TP73: variants seen among roughly 807,000 people sequenced by gnomAD.
TP73 encodes p53-like transcription factor.
A neutral mutation model predicts 62.5 loss-of-function variants in TP73; 25 were observed. The ratio of observed to expected loss-of-function variants is 0.40; its 90% CI spans 0.29 to 0.56. The LOEUF (loss-of-function observed/expected upper bound fraction) is 0.56. Ranked by LOEUF, TP73 falls within the 20% of genes least tolerant of loss-of-function variation. TP73 has a pLI of 0.46. For synonymous variants in TP73, 423 were observed against 377.5 expected, an observed-to-expected ratio of 1.12 and a Z score of -1.40; for missense variants, 754 against 913.3, an observed-to-expected ratio of 0.83 and a Z score of 2.25.
In TP73 at chr1:3,733,451, C is replaced by T. The variant is rs763814021; in HGVS notation, c.*372C>T. 1.6e-5 allele frequency: 5 copies of T among 304,924 alleles called. No homozygotes were observed. Among genetic ancestry groups the T allele is most frequent in the Middle Eastern group, 3.8e-4 (1 of 2,664 alleles). The allele number at this position is 304,924 out of a possible 1,614,324, so 18.9% of individuals were successfully genotyped here. A position where few individuals can be genotyped will look rare whatever the true frequency, so the allele number is the denominator to read the frequency against. ...TAGAGACTGTCATCTCCCAACCAGG[C>T]GAGGTCCTTCCAAAGGAAAGGATCC... On this transcript the variant is annotated 3_prime_UTR_variant, in exon 14 of 14. Transcript: ENST00000378295.
chr1:3,660,710 G>A (rs939405843), intron 1 of TP73, among the ~76,000 whole-genome samples: 1 of 152,186 alleles, frequency 6.6e-6, no homozygotes, highest in Non-Finnish European at 1.5e-5. Flanking sequence ...AACCTGTACT[G>A]GTCAAAGTCT....
chr1:3,725,371 A>G (rs1641416726), intron 6 of TP73, among the ~76,000 whole-genome samples: 3 of 25,966 alleles, frequency 1.2e-4, no homozygotes, highest in African/African-American at 4.9e-4. Flanking sequence ...GGATGGGGTG[A>G]GTGGGTGGAT....
intron 1 of TP73, among the ~76,000 whole-genome samples, chr1:3,654,813 C>T (rs1184265934): frequency 6.6e-6 from 1 of 152,228 alleles, no homozygotes; most frequent in East Asian, 1.9e-4. Context: ...GAAGTATGCA[C>T]TGGGGCAAGG....
At chr1:3,724,559 A>C (rs6701784) in intron 6 of TP73, among the ~76,000 whole-genome samples, 121,762 of 152,198 alleles carry the variant, frequency 0.8, 49,086 homozygotes, top group Middle Eastern at 0.88. Flanking sequence ...TCACCTGCCT[A>C]GGCCTGCCAG....
chr1:3,718,109 G>T (rs1399937048), intron 4 of TP73, among the ~76,000 whole-genome samples: 1 of 152,168 alleles, frequency 6.6e-6, no homozygotes, highest in South Asian at 2.1e-4. Flanking sequence ...GTTCTAGGCC[G>T]CTCCACACTC....
chr1:3,680,326 A>T (rs1645491200), intron 1 of TP73, among the ~76,000 whole-genome samples: 1 of 152,066 alleles, frequency 6.6e-6, no homozygotes, highest in African/African-American at 2.4e-5. Flanking sequence ...GGCTATGTGC[A>T]CCGTTCAGCT....
rs554550462 is a variant in TP73, at chr1:3,730,087, C to A, written c.1284C>A (p.Asn428Lys). ...HGGMNKLPSVNQLVGQPPPHS... is the reference protein window; with the variant it reads ...HGGMNKLPSVKQLVGQPPPHS... The stretch of plus-strand genomic sequence containing the variant: ...GCATGAACAAGCTGCCCTCCGTCAA[C>A]CAGCTGGTGGGCCAGCCTCCCCCGC... The change falls in exon 11 of 14, where the codon AAC (asparagine) becomes AAA (lysine). Residue 428 changes from asparagine (N) to lysine (K), a missense_variant. Physicochemically the swap from Asn to Lys is moderately conservative, Grantham distance 94. Transcript: ENST00000378295. 1.3e-6 allele frequency: 2 copies of A among 1,595,344 alleles called. No individual in the cohort carries two copies. Among genetic ancestry groups the A allele is most frequent in the Non-Finnish European group, 1.7e-6 (2 of 1,171,918 alleles).
chr1:3,700,382 G>C (rs142628366), intron 3 of TP73, among the ~76,000 whole-genome samples: 1 of 152,306 alleles, frequency 6.6e-6, no homozygotes, highest in African/African-American at 2.4e-5. Flanking sequence ...CCCATGCCTT[G>C]CTTTGCATTG....
At chr1:3,658,830 A>G (rs990101050) in intron 1 of TP73, 1 of 95,310 alleles carries the variant, frequency 1.0e-5, no homozygotes, top group African/African-American at 2.8e-5. Flanking sequence ...CTACAGTCAT[A>G]TTTTGGGGTG....
At chr1:3,689,071 C>G (rs1645740097) in intron 3 of TP73, among the ~76,000 whole-genome samples, 1 of 152,082 alleles carries the variant, frequency 6.6e-6, no homozygotes, top group Admixed American at 6.5e-5. Context: ...CTCTGAGGGT[C>G]TGTCCATCCC....
chr1:3,708,861 G>A lies in TP73; in HGVS notation c.429+1070G>A, dbSNP rs542703360. ...ATGTTGGTCCGGCCCACTGGGCAGC[G>A]TCCCCTCCCCCACGAGGCCCCGCCT... On this transcript the variant is annotated intron_variant, in intron 4 of 13. Coordinates refer to ENST00000378295, the MANE Select transcript of TP73 (RefSeq NM_005427.4). 6.7e-3 allele frequency among the ~76,000 whole-genome samples: 1,018 copies of A among 152,310 alleles called. 9 individuals are homozygous for A. The highest frequency in any genetic ancestry group is 8.1e-3 in the Non-Finnish European group (551 of 67,994).
At chr1:3,675,366 G>C (rs1645339278) in intron 1 of TP73, among the ~76,000 whole-genome samples, 3 of 152,180 alleles carry the variant, frequency 2.0e-5, no homozygotes, top group Admixed American at 1.3e-4. Flanking sequence ...TGCCACTTCA[G>C]ATTGGAATCG....
intron 5 of TP73, among the ~76,000 whole-genome samples, chr1:3,722,524 G>C (rs963749341): frequency 2.0e-5 from 3 of 152,212 alleles, no homozygotes; most frequent in Non-Finnish European, 4.4e-5. Context: ...CTACCCCAAG[G>C]ATTAGCAGGA....
chr1:3,680,328 C>T (rs1030048806), intron 1 of TP73, among the ~76,000 whole-genome samples: 8 of 152,306 alleles, frequency 5.3e-5, no homozygotes, highest in African/African-American at 1.2e-4. Context: ...CTATGTGCAC[C>T]GTTCAGCTAC....
chr1:3,674,598 C>T (rs758196744), intron 1 of TP73, among the ~76,000 whole-genome samples: 2 of 152,228 alleles, frequency 1.3e-5, no homozygotes, highest in Non-Finnish European at 2.9e-5. Flanking sequence ...AGGGAGGCCA[C>T]ATGGTCCTTA....
Position 3,670,307 on chromosome 1 carries a change from C to T in TP73, c.-33-12026C>T, listed in dbSNP as rs1282928576. Among the ~76,000 whole-genome samples, 7 of 152,070 alleles carry T rather than the reference C, an allele frequency of 4.6e-5. No homozygotes were observed. The highest frequency in any genetic ancestry group is 3.9e-4 in the East Asian group (2 of 5,194). ...TGTGGGTGTCGTCTCCCTGGGGTCC[C>T]GCAGTCTGAACTCAAGACTCAAGAG... On this transcript the variant is annotated intron_variant, in intron 1 of 13. Transcript: ENST00000378295. This position sits in a 1 kb window ranked among gnomAD's most constrained non-coding sequence, Gnocchi z 5.9.
intron 3 of TP73, among the ~76,000 whole-genome samples, chr1:3,689,112 C>T (rs1179612685): frequency 1.3e-5 from 2 of 152,108 alleles, no homozygotes; most frequent in Admixed American, 1.3e-4. Context: ...CAAGAGGGGT[C>T]CCAGGCTCAG....
rs979393824 is a variant in TP73 at position 3,674,536 on chromosome 1, G to A, written c.-33-7797G>A. ...TCGTCCCTGCCCCTGACCTGCTGAC[G>A]AAGCCGTCCTGGCAACCCTGTCTGA... On this transcript the variant is annotated intron_variant, in intron 1 of 13. Coordinates refer to ENST00000378295, the MANE Select transcript of TP73 (RefSeq NM_005427.4). Among the ~76,000 whole-genome samples, 12 of 152,220 alleles carry A rather than the reference G, an allele frequency of 7.9e-5. No homozygotes were observed. In the East Asian group the frequency reaches 2.1e-3, roughly 27 times the overall value.
At chr1:3,718,722 G>A (rs1347866406) in intron 4 of TP73, among the ~76,000 whole-genome samples, 7 of 152,122 alleles carry the variant, frequency 4.6e-5, no homozygotes, top group African/African-American at 1.7e-4. Flanking sequence ...GAGCCCAGGC[G>A]GCCTCCCCTC....
Sources: allele counts gnomAD v4.1 joint callset (sites outside exome capture counted in the v4.1 genomes callset), GRCh38; gene constraint gnomAD v4.1.1; non-coding constraint Gnocchi (gnomAD v3.1); transcripts MANE v1.5; gene names NCBI Gene and HGNC (gene_info 2026-07-23, HGNC 2026-07-21).